The following ITIH5 variants were observed in gnomAD, a reference collection of about 807,000 sequenced individuals.
The protein encoded by ITIH5 is inter-alpha-trypsin inhibitor heavy chain H5.
Under a neutral mutation model 77.5 loss-of-function variants are expected in ITIH5, and 65 were observed. The ratio of observed to expected loss-of-function variants is 0.84; its 90% CI spans 0.69 to 1.03. The LOEUF (loss-of-function observed/expected upper bound fraction) is 1.03, where lower values mean the gene tolerates loss of function less well. ITIH5 is among the 50% of genes least tolerant of loss of function. The pLI is 0.00. For missense variants in ITIH5, 1,208 were observed against 1,213.1 expected, an observed-to-expected ratio of 1.00 and a Z score of 0.06; for synonymous variants, 525 against 494.3, an observed-to-expected ratio of 1.06 and a Z score of -0.82.
In ITIH5 at chr10:7,600,680, G is replaced by T. The variant is rs1366781983; in HGVS notation, c.940-14611C>A. The T allele has an allele frequency of 1.2e-5, 5 of 421,434 alleles. No homozygotes were observed. The East Asian group carries it at 3.6e-4, about 30-fold the overall frequency. The allele number at this position is 421,434 out of a possible 1,614,324, so 26.1% of individuals were successfully genotyped here. On this transcript the variant is annotated intron_variant, in intron 7 of 13. Coordinates refer to ENST00000397146, the MANE Select transcript of ITIH5 (RefSeq NM_030569.7). ...CCTAGGGGTACACAAGGGACAGTTT[G>T]GGTCCCCCTAAATTCAAAGGTTGAA...
At chr10:7,584,714 C>G (rs1369993580) in intron 8 of ITIH5, among the ~76,000 whole-genome samples, 2 of 152,200 alleles carry the variant, frequency 1.3e-5, no homozygotes, top group African/African-American at 4.8e-5. Flanking sequence ...CTACAAATAT[C>G]CATTGAGCAT....
At position 7,560,964 on chromosome 10, in the gene ITIH5, A is replaced by ATT. The variant is rs71383916; in HGVS notation, c.*2117_*2118dup. Reference sequence around the variant, plus strand: ...TTTTCTGGACAACAGAAAATACTATATTTTTTTTTTATCAAATGCAAAGGT... The same window carrying ATT: ...TTTTCTGGACAACAGAAAATACTATATTTTTTTTTTTTATCAAATGCAAAGGT... On this transcript the variant is annotated 3_prime_UTR_variant, in exon 14 of 14. Transcript: ENST00000397146. The ATT allele has an allele frequency of 1.1e-4, 16 of 148,738 alleles. No individual in the cohort carries two copies. In the South Asian group the frequency reaches 3.2e-3, roughly 30 times the overall value. 9.2% of individuals were successfully genotyped at this position (148,738 alleles called of 1,614,324 possible).
chr10:7,573,983 A>T (rs1326246600), intron 10 of ITIH5, among the ~76,000 whole-genome samples: 8 of 152,198 alleles, frequency 5.3e-5, no homozygotes, highest in Admixed American at 5.2e-4. Context: ...GTACGCTTAA[A>T]AATGGGTAAG....
intron 5 of ITIH5, chr10:7,618,266 G>T (rs1468317079): frequency 6.6e-6 from 1 of 151,498 alleles, no homozygotes; most frequent in African/African-American, 2.4e-5. Flanking sequence ...ACCATGCCCG[G>T]CTTACGGCTC....
chr10:7,587,572 G>T (rs145929750), intron 7 of ITIH5, among the ~76,000 whole-genome samples: 1 of 152,114 alleles, frequency 6.6e-6, no homozygotes, highest in Non-Finnish European at 1.5e-5. Context: ...ATATCACTGC[G>T]CCCAAGTTAC....
chr10:7,603,062 A>T (rs1238942274), intron 7 of ITIH5, among the ~76,000 whole-genome samples: 5 of 152,104 alleles, frequency 3.3e-5, no homozygotes, highest in Non-Finnish European at 4.4e-5. Flanking sequence ...GAAATCCTAC[A>T]CCTGAGCATC....
chr10:7,653,329 C>T (rs1834130882), intron 2 of ITIH5, among the ~76,000 whole-genome samples: 1 of 152,162 alleles, frequency 6.6e-6, no homozygotes, highest in Admixed American at 6.5e-5. Flanking sequence ...GCCTCAGCCT[C>T]CCGAGTAGCT....
intron 2 of ITIH5, among the ~76,000 whole-genome samples, chr10:7,650,857 G>A (rs1834087772): frequency 6.6e-6 from 1 of 152,176 alleles, no homozygotes; most frequent in Non-Finnish European, 1.5e-5. Flanking sequence ...GACAGGAAAT[G>A]GCATCGGTTC....
intron 12 of ITIH5, among the ~76,000 whole-genome samples, chr10:7,567,102 G>A (rs1832201561): frequency 1.3e-5 from 2 of 151,772 alleles, no homozygotes; most frequent in African/African-American, 2.4e-5. Flanking sequence ...ATTTTTTACT[G>A]TTGTCTGACC....
At chr10:7,629,698 A>C (rs1190872573) in intron 5 of ITIH5, among the ~76,000 whole-genome samples, 1 of 152,160 alleles carries the variant, frequency 6.6e-6, no homozygotes, top group Non-Finnish European at 1.5e-5. Context: ...CGCATATACC[A>C]CATTTTGTTT....
intron 7 of ITIH5, among the ~76,000 whole-genome samples, chr10:7,608,502 C>T (rs1056548406): frequency 3.3e-5 from 5 of 152,164 alleles, no homozygotes; most frequent in South Asian, 2.1e-4. Flanking sequence ...AGCCTCGTCT[C>T]GAACTCCTGG....
At chr10:7,636,757 A>C (rs1286469694) in intron 5 of ITIH5, among the ~76,000 whole-genome samples, 2 of 152,032 alleles carry the variant, frequency 1.3e-5, no homozygotes, top group Admixed American at 6.6e-5. Context: ...TTTTATTTTT[A>C]ATAAAAAAAA....
intron 7 of ITIH5, among the ~76,000 whole-genome samples, chr10:7,604,855 C>G (rs1158324707): frequency 2.0e-5 from 3 of 151,836 alleles, no homozygotes; most frequent in Non-Finnish European, 4.4e-5. Context: ...TGAATGGAGT[C>G]TGTGTCGCCA....
At chr10:7,576,320 G>A (rs975415278) in intron 10 of ITIH5, 133 bp downstream of exon 10, 38 of 827,612 alleles carry the variant, frequency 4.6e-5, no homozygotes, top group African/African-American at 1.0e-4. Flanking sequence ...TACTATACCC[G>A]GTCTGGGTTA....
intron 4 of ITIH5, among the ~76,000 whole-genome samples, chr10:7,639,318 G>T (rs74720009): frequency 1.3e-5 from 2 of 152,152 alleles, no homozygotes; most frequent in African/African-American, 2.4e-5. Context: ...CATCATTTCC[G>T]CCTGGACTGA....
intron 9 of ITIH5, 139 bp from the exon 10 acceptor site, chr10:7,577,151 C>T: frequency 1.5e-6 from 1 of 662,842 alleles, no homozygotes. Context: ...GCACCCCACA[C>T]AATATTTCTG....
intron 7 of ITIH5, among the ~76,000 whole-genome samples, chr10:7,591,636 CTT>C (rs1832795258): frequency 6.6e-6 from 1 of 152,124 alleles, no homozygotes; most frequent in Non-Finnish European, 1.5e-5. Context: ...TCCTCTCAGT[CTT>C]TGCTGCTGCA....
At position 7,566,059 on chromosome 10, in the gene ITIH5, C is replaced by A; in HGVS notation, c.2498G>T (p.Gly833Val). 6.2e-7 allele frequency: 1 copy of A among 1,614,030 alleles called. No individual in the cohort carries two copies. The highest frequency in any genetic ancestry group is 8.5e-7 in the Non-Finnish European group (1 of 1,179,980). The change falls in exon 13 of 14, where the codon GGC (glycine) becomes GTC (valine). Residue 833 changes from glycine (G) to valine (V), a missense_variant. Physicochemically the swap from Gly to Val is moderately radical, Grantham distance 109. Coordinates refer to ENST00000397146, the MANE Select transcript of ITIH5 (RefSeq NM_030569.7). ...CAGTCCGTGGCAGTTGCTGGAAAGG[C>A]CCTCGCTGTTGGCAATGTAGAAACC... ...HLGFYIANSE[G>V]LSSNCHGLLG...
intron 5 of ITIH5, among the ~76,000 whole-genome samples, chr10:7,624,857 G>GTATATATATGTATATACACATATATGTA (rs796478896): frequency 3.6e-5 from 2 of 56,126 alleles, no homozygotes; most frequent in Non-Finnish European, 6.8e-5. Context: ...ATATATATGT[G>GTATATATATGTATATACACATATATGTA]TATATATGTA....
Sources: allele counts gnomAD v4.1 joint callset (sites outside exome capture counted in the v4.1 genomes callset), GRCh38; gene constraint gnomAD v4.1.1; transcripts MANE v1.5; gene names NCBI Gene and HGNC (gene_info 2026-07-23, HGNC 2026-07-21).